Variants in ITPRID1 observed in about 807,000 individuals in gnomAD.
ITPRID1 encodes protein ITPRID1.
A neutral mutation model predicts 95.4 loss-of-function variants in ITPRID1; 96 were observed. The observed-to-expected ratio is 1.01, with a 90% CI of 0.85 to 1.19. The LOEUF is 1.19. Among genes scored for constraint, ITPRID1 ranks in the 50% most tolerant of loss-of-function variants. ITPRID1 has a pLI of 0.00. For missense variants in ITPRID1, 1,339 were observed against 1,252.9 expected, an observed-to-expected ratio of 1.07 and a Z score of -1.04; for synonymous variants, 510 against 453.6, an observed-to-expected ratio of 1.12 and a Z score of -1.58.
chr7:31,646,631 C>G (rs2128214859), intron 12 of ITPRID1, among the ~76,000 whole-genome samples: 1 of 152,190 alleles, frequency 6.6e-6, no homozygotes, highest in African/African-American at 2.4e-5. Flanking sequence ...ATGAGTAGCC[C>G]CAGCTGTGTG....
chr7:31,540,104 T>C (rs971515347), intron 1 of ITPRID1, among the ~76,000 whole-genome samples: 1 of 152,116 alleles, frequency 6.6e-6, no homozygotes, highest in Non-Finnish European at 1.5e-5. Flanking sequence ...CGAGCAGTGG[T>C]GTGTTCTTTC....
At chr7:31,649,864 T>C (rs924541374) in intron 12 of ITPRID1, among the ~76,000 whole-genome samples, 3 of 152,146 alleles carry the variant, frequency 2.0e-5, no homozygotes, top group Admixed American at 1.3e-4. Context: ...AAACAGATTG[T>C]GTTCAGCAAC....
rs72374972 is a variant in ITPRID1, at chr7:31,519,578, ATCTCTCTCTC to A, written c.-98+5492_-98+5501del. Among the ~76,000 whole-genome samples the A allele has an allele frequency of 6.3e-3, 235 of 37,462 alleles. 10 individuals are homozygous for A. The East Asian group carries it at 0.081, about 13-fold the overall frequency. 24.6% of individuals were successfully genotyped at this position (37,462 alleles called of 152,430 possible). A position where few individuals can be genotyped will look rare whatever the true frequency, so the allele number is the denominator to read the frequency against. On this transcript the variant is annotated intron_variant, in intron 1 of 14. Coordinates refer to ENST00000615280, the MANE Select transcript of ITPRID1 (RefSeq NM_001257967.3). ...ATGCATATATGGTTCTATTTCTGGT[ATCTCTCTCTC>A]TCTCTCTCTCTCTCTCTCTCTCTCT...
intron 10 of ITPRID1, among the ~76,000 whole-genome samples, chr7:31,641,844 T>C (rs1335753096): frequency 6.6e-6 from 1 of 152,218 alleles, no homozygotes; most frequent in Non-Finnish European, 1.5e-5. Flanking sequence ...TAGTGTGGCA[T>C]TTAAGGCATA....
chr7:31,611,986 T>C (rs1786889436), intron 10 of ITPRID1, among the ~76,000 whole-genome samples: 1 of 151,942 alleles, frequency 6.6e-6, no homozygotes. Context: ...TTATGTGTGA[T>C]GGTATATTTG....
At chr7:31,556,337 C>T (rs930166020) in intron 5 of ITPRID1, among the ~76,000 whole-genome samples, 4 of 152,150 alleles carry the variant, frequency 2.6e-5, no homozygotes, top group Non-Finnish European at 5.9e-5. Context: ...ACTGAGCCTT[C>T]GCTTGTACAA....
At chr7:31,606,655 C>T (rs974944607) in intron 10 of ITPRID1, among the ~76,000 whole-genome samples, 4 of 152,088 alleles carry the variant, frequency 2.6e-5, no homozygotes, top group Non-Finnish European at 4.4e-5. Flanking sequence ...GTCCATTAGA[C>T]TATTTCTTTC....
intron 5 of ITPRID1, among the ~76,000 whole-genome samples, chr7:31,568,616 T>C (rs191657133): frequency 1.0e-3 from 158 of 152,310 alleles, no homozygotes; most frequent in Non-Finnish European, 1.9e-3. Context: ...AGCCACATTT[T>C]ATATCATGAT....
Position 31,653,802 on chromosome 7 carries a change from A to T in ITPRID1, c.*973A>T, listed in dbSNP as rs1791150844. ...TATTAAAAACTCTGAAGGAAATAAC[A>T]GGTTTTGTGAAAGAGAACACAGAAG... On this transcript the variant is annotated 3_prime_UTR_variant, in exon 15 of 15. Coordinates refer to ENST00000615280, the MANE Select transcript of ITPRID1 (RefSeq NM_001257967.3). 2 of 152,244 alleles carry T rather than the reference A, an allele frequency of 1.3e-5. No homozygotes were observed. Among genetic ancestry groups the T allele is most frequent in the South Asian group, 4.1e-4 (2 of 4,836 alleles). The allele number at this position is 152,244 out of a possible 1,614,324, so 9.4% of individuals were successfully genotyped here.
chr7:31,570,166 T>C (rs542955043), intron 6 of ITPRID1, among the ~76,000 whole-genome samples: 7 of 152,370 alleles, frequency 4.6e-5, no homozygotes, highest in Non-Finnish European at 7.3e-5. Flanking sequence ...ATTATTATTC[T>C]ATTTACTGGA....
At chr7:31,645,345 A>G (rs2128213185) in intron 12 of ITPRID1, among the ~76,000 whole-genome samples, 1 of 152,328 alleles carries the variant, frequency 6.6e-6, no homozygotes, top group East Asian at 1.9e-4. Flanking sequence ...AGTTTAAATA[A>G]TTTATCAGAT....
chr7:31,610,883 A>T (rs1786836240), intron 10 of ITPRID1, among the ~76,000 whole-genome samples: 1 of 151,490 alleles, frequency 6.6e-6, no homozygotes, highest in East Asian at 1.9e-4. Flanking sequence ...GACCGCATGT[A>T]GTTAGATTAT....
At chr7:31,617,488 T>C (rs1045088003) in intron 10 of ITPRID1, among the ~76,000 whole-genome samples, 2 of 120,140 alleles carry the variant, frequency 1.7e-5, no homozygotes, top group African/African-American at 6.4e-5. Context: ...TCAAAACTAT[T>C]CTGCTTTTTG....
At chr7:31,591,075 TC>T (rs957820937) in intron 10 of ITPRID1, among the ~76,000 whole-genome samples, 7 of 152,130 alleles carry the variant, frequency 4.6e-5, no homozygotes, top group African/African-American at 1.7e-4. Context: ...CATGAGAACA[TC>T]AACACTGACT....
At chr7:31,637,357 T>G (rs1464286867) in intron 10 of ITPRID1, among the ~76,000 whole-genome samples, 1 of 152,124 alleles carries the variant, frequency 6.6e-6, no homozygotes, top group Non-Finnish European at 1.5e-5. Context: ...CCACCAACAG[T>G]GTAAAAGTGT....
chr7:31,638,491 T>C (rs1361918977), intron 10 of ITPRID1, among the ~76,000 whole-genome samples: 1 of 152,212 alleles, frequency 6.6e-6, no homozygotes, highest in East Asian at 1.9e-4. Flanking sequence ...GTTTTTGTTA[T>C]AAATCCCACA....
At chr7:31,647,710 A>AGAAGACGAT (rs1554299905) in intron 12 of ITPRID1, among the ~76,000 whole-genome samples, 1 of 149,668 alleles carries the variant, frequency 6.7e-6, no homozygotes, top group South Asian at 2.1e-4. Flanking sequence ...AGGAAGAAGA[A>AGAAGACGAT]GACGATGACG....
chr7:31,651,380 G>A lies in ITPRID1; in HGVS notation c.2711+111G>A, dbSNP rs566574293. On this transcript the variant is annotated intron_variant, in intron 13 of 14. Transcript: ENST00000615280. The stretch of plus-strand genomic sequence containing the variant: ...CCTGGAGCAGAGCTAATGAGAAACC[G>A]GCCAGCTTTTCCTTTGCTTTCTTGG... 6.4e-6 allele frequency: 8 copies of A among 1,255,180 alleles called. No individual in the cohort carries two copies. The African/African-American group carries it at 7.8e-5, about 12-fold the overall frequency. The allele number at this position is 1,255,180 out of a possible 1,614,324, so 77.8% of individuals were successfully genotyped here.
At chr7:31,545,558 C>A (rs1784070462) in intron 1 of ITPRID1, among the ~76,000 whole-genome samples, 1 of 152,090 alleles carries the variant, frequency 6.6e-6, no homozygotes, top group Non-Finnish European at 1.5e-5. Flanking sequence ...TTCCAGGAAG[C>A]AGTATATATA....
Sources: allele counts gnomAD v4.1 joint callset (sites outside exome capture counted in the v4.1 genomes callset), GRCh38; gene constraint gnomAD v4.1.1; transcripts MANE v1.5; gene names NCBI Gene and HGNC (gene_info 2026-07-23, HGNC 2026-07-21).